MARCHF1: variants seen among roughly 807,000 people sequenced by gnomAD.
MARCHF1 encodes the protein membrane associated ring-CH-type finger 1.
MARCHF1 carries 40 observed loss-of-function variants against 54.2 expected under a neutral mutation model. The observed-to-expected ratio is 0.74, with a 90% CI of 0.57 to 0.96. MARCHF1 has a LOEUF of 0.96. Ranked by LOEUF, MARCHF1 falls within the 40% of genes least tolerant of loss-of-function variation. The pLI is 0.00. For missense variants in MARCHF1, 586 were observed against 656.5 expected, an observed-to-expected ratio of 0.89 and a Z score of 1.17; for synonymous variants, 236 against 236.3, an observed-to-expected ratio of 1.00 and a Z score of 0.01.
At chr4:163,627,389 A>T (rs973326329) in intron 5 of MARCHF1, among the ~76,000 whole-genome samples, 1 of 152,206 alleles carries the variant, frequency 6.6e-6, no homozygotes, top group East Asian at 1.9e-4. Context: ...CTTCGATAGC[A>T]TAGCCCTTTA....
intron 5 of MARCHF1, among the ~76,000 whole-genome samples, chr4:163,673,329 G>C (rs1258315160): frequency 6.6e-6 from 1 of 152,174 alleles, no homozygotes; most frequent in Admixed American, 6.5e-5. Flanking sequence ...TGTTGACGAG[G>C]ATTTTAATGC....
At chr4:164,047,921 G>C (rs1173088696) in intron 2 of MARCHF1, among the ~76,000 whole-genome samples, 1 of 152,054 alleles carries the variant, frequency 6.6e-6, no homozygotes, top group Non-Finnish European at 1.5e-5. Context: ...AGCTCCATGA[G>C]AAATATTATT....
chr4:163,905,204 A>G (rs1751038388), intron 3 of MARCHF1, among the ~76,000 whole-genome samples: 1 of 152,086 alleles, frequency 6.6e-6, no homozygotes, highest in South Asian at 2.1e-4. Context: ...ATTATACTTT[A>G]ATTTTGAGAC....
intron 2 of MARCHF1, among the ~76,000 whole-genome samples, chr4:164,040,573 G>A (rs1424283869): frequency 6.6e-6 from 1 of 151,314 alleles, no homozygotes; most frequent in Non-Finnish European, 1.5e-5. Context: ...GCTTCAGAAT[G>A]GAAATGAATG....
At chr4:164,174,300 G>A (rs868338675) in intron 1 of MARCHF1, among the ~76,000 whole-genome samples, 1 of 152,210 alleles carries the variant, frequency 6.6e-6, no homozygotes, top group Non-Finnish European at 1.5e-5. Context: ...AGAGTGTTAT[G>A]TAAGTAATGG....
At chr4:163,805,445 A>C (rs1430915481) in intron 4 of MARCHF1, among the ~76,000 whole-genome samples, 1 of 152,192 alleles carries the variant, frequency 6.6e-6, no homozygotes, top group African/African-American at 2.4e-5. Flanking sequence ...GAATGCAAAA[A>C]ACTTTAAACT....
In MARCHF1 at chr4:164,176,966, CTCTCTCTCTCTCTCTATAT is replaced by C. The variant is rs1730689957; in HGVS notation, c.-322-65323_-322-65305del. Among the ~76,000 whole-genome samples the C allele has an allele frequency of 5.8e-4, 27 of 46,730 alleles. 5 individuals are homozygous for C. Among genetic ancestry groups the C allele is most frequent in the South Asian group, 3.8e-3 (4 of 1,056 alleles). 30.7% of individuals were successfully genotyped at this position (46,730 alleles called of 152,430 possible). A position where few individuals can be genotyped will look rare whatever the true frequency, so the allele number is the denominator to read the frequency against. ...GCTCTCTCTCTCTCTCTCTCTCTCT[CTCTCTCTCTCTCTCTATAT>C]ATATATATATATATATATATATATA... On this transcript the variant is annotated intron_variant, in intron 1 of 9. Transcript: ENST00000514618.
At chr4:164,238,196 T>C (rs1310987761) in intron 1 of MARCHF1, among the ~76,000 whole-genome samples, 2 of 152,060 alleles carry the variant, frequency 1.3e-5, no homozygotes. Context: ...TTATTTCCAC[T>C]GAGCGCATAA....
chr4:163,791,407 G>A (rs1288682046), intron 4 of MARCHF1, among the ~76,000 whole-genome samples: 1 of 152,114 alleles, frequency 6.6e-6, no homozygotes, highest in African/African-American at 2.4e-5. Context: ...AGGTAATTAT[G>A]TATGAGACTC....
At chr4:163,895,683 C>T (rs1378058506) in intron 3 of MARCHF1, among the ~76,000 whole-genome samples, 4 of 152,172 alleles carry the variant, frequency 2.6e-5, no homozygotes, top group African/African-American at 9.7e-5. Flanking sequence ...AGAGGATGTT[C>T]TGTTTTGATC....
intron 5 of MARCHF1, among the ~76,000 whole-genome samples, chr4:163,638,201 C>G (rs1742415698): frequency 6.7e-6 from 1 of 149,036 alleles, no homozygotes; most frequent in African/African-American, 2.5e-5. Flanking sequence ...ATGTAACTAA[C>G]CAGCACAATG....
intron 1 of MARCHF1, among the ~76,000 whole-genome samples, chr4:164,356,684 A>G (rs1730551523): frequency 1.5e-5 from 2 of 133,866 alleles, no homozygotes; most frequent in Non-Finnish European, 3.2e-5. Context: ...TAGTGGGTGC[A>G]GCGCACCAGC....
At chr4:163,679,469 C>T (rs1046184991) in intron 5 of MARCHF1, among the ~76,000 whole-genome samples, 35 of 152,274 alleles carry the variant, frequency 2.3e-4, no homozygotes, top group African/African-American at 8.2e-4. Flanking sequence ...GTCTTCTCTC[C>T]TGTCTACTCC....
intron 2 of MARCHF1, among the ~76,000 whole-genome samples, chr4:164,007,872 C>A (rs1322728579): frequency 2.0e-5 from 3 of 151,948 alleles, no homozygotes; most frequent in African/African-American, 7.2e-5. Flanking sequence ...AGAAAAAAAT[C>A]ACTTATCCAT....
At chr4:164,151,305 T>G (rs974433643) in intron 1 of MARCHF1, among the ~76,000 whole-genome samples, 2 of 152,174 alleles carry the variant, frequency 1.3e-5, no homozygotes, top group Non-Finnish European at 2.9e-5. Context: ...GAAAGATTGG[T>G]TGCAAGTCCA....
Position 164,255,954 on chromosome 4 carries a change from T to G in MARCHF1, c.-323+127916A>C, listed in dbSNP as rs1448467156. Among the ~76,000 whole-genome samples, 3 of 152,050 alleles carry G rather than the reference T, an allele frequency of 2.0e-5. No individual in the cohort carries two copies. The East Asian group carries it at 5.8e-4, about 29-fold the overall frequency. ...TTCTAATCAAACATTGAAGGAATAT[T>G]TATAAAACCTGACCATCTAGTAGAT... On this transcript the variant is annotated intron_variant, in intron 1 of 9. Transcript: ENST00000514618.
chr4:163,620,596 CACACACACACAGAGAGAGAGAGAG>C (rs1366216097), intron 5 of MARCHF1, among the ~76,000 whole-genome samples: 46 of 89,088 alleles, frequency 5.2e-4, no homozygotes, highest in African/African-American at 1.8e-3. Flanking sequence ...CACACACACA[CACACACACACAGAGAGAGAGAGAG>C]AGAGAGAGAG....
intron 1 of MARCHF1, among the ~76,000 whole-genome samples, chr4:164,125,558 T>TTTAC (rs1756161895): frequency 6.6e-6 from 1 of 152,164 alleles, no homozygotes; most frequent in Non-Finnish European, 1.5e-5. Flanking sequence ...ATGATTATTA[T>TTTAC]TTACATATAT....
At chr4:163,930,706 A>G (rs950215690) in intron 3 of MARCHF1, among the ~76,000 whole-genome samples, 2 of 152,064 alleles carry the variant, frequency 1.3e-5, no homozygotes, top group Non-Finnish European at 2.9e-5. Flanking sequence ...CACTAGGTAC[A>G]TTGTCAAAGA....
Sources: gnomAD v4.1 joint callset for allele counts (sites outside exome capture counted in the v4.1 genomes callset) on GRCh38, gnomAD v4.1.1 for gene constraint, MANE v1.5 for transcripts, NCBI Gene and HGNC (gene_info 2026-07-23, HGNC 2026-07-21) for gene names.